The following EVI5L variants were observed in gnomAD, a reference collection of about 807,000 sequenced individuals.
The protein encoded by EVI5L is EVI5-like protein.
EVI5L carries 30 observed loss-of-function variants against 106.1 expected under a neutral mutation model. The observed-to-expected ratio is 0.28, with a 90% CI of 0.21 to 0.38. EVI5L has a LOEUF of 0.38. Ranked by LOEUF, EVI5L falls within the 10% of genes least tolerant of loss-of-function variation. The pLI, the probability that EVI5L is intolerant of heterozygous loss-of-function variation, is 1.00. For synonymous variants in EVI5L, 489 were observed against 483.3 expected (o/e 1.01, Z -0.15); for missense variants, 809 against 1,098.0 (o/e 0.74, Z 3.72).
rs992647263 is a variant in EVI5L, at chr19:7,863,727, CAGG to C, written c.*29_*31del. On this transcript the variant is annotated 3_prime_UTR_variant, in exon 20 of 20. Transcript: ENST00000538904. This position sits in a 1 kb window ranked among gnomAD's most constrained non-coding sequence, Gnocchi z 7.7. ...AGGCCATGCCCAGCGCGCCCGGAGT[CAGG>C]AGGCCGCAGCCGCGGGGGGCGCCCG... 1 of 1,433,740 alleles carries C rather than the reference CAGG, an allele frequency of 7.0e-7. No individual in the cohort carries two copies. The highest frequency in any genetic ancestry group is 2.8e-5 in the Admixed American group (1 of 36,136). The allele number at this position is 1,433,740 out of a possible 1,614,324, so 88.8% of individuals were successfully genotyped here.
In EVI5L at chr19:7,863,096, G is replaced by C. The variant is rs1979928469; in HGVS notation, c.2043+29G>C. ...ATCGGCGGGGCCGGGGTCGGGGGGC[G>C]GGGGCGGGGGCAGGGCCCGGGGCAG... On this transcript the variant is annotated intron_variant, in intron 18 of 19. Transcript: ENST00000538904. This position sits in a 1 kb window ranked among gnomAD's most constrained non-coding sequence, Gnocchi z 7.7. 3 of 734,616 alleles carry C rather than the reference G, an allele frequency of 4.1e-6. No homozygotes were observed. The East Asian group carries it at 8.4e-5, about 21-fold the overall frequency. The allele number at this position is 734,616 out of a possible 1,614,324, so 45.5% of individuals were successfully genotyped here.
rs1319234650 is a variant in EVI5L, at chr19:7,847,849, C to T, written c.255C>T (p.Asp85=). Reference sequence around the variant, plus strand: ...CCAACCTGAGCCACCTGGAGGAGGACACGTGGATCCTGTGGGGCCGGATCG... The same window carrying T: ...CCAACCTGAGCCACCTGGAGGAGGATACGTGGATCCTGTGGGGCCGGATCG... ...ASSNLSHLEE[D]TWILWGRIAN... is the part of the protein sequence containing the mutation. Residue 85 remains aspartate (D), a synonymous_variant, in exon 3 of 20, where the codon GAC becomes GAT. Coordinates refer to ENST00000538904, the MANE Select transcript of EVI5L (RefSeq NM_001159944.3). 2 of 1,607,418 alleles carry T rather than the reference C, an allele frequency of 1.2e-6. No homozygotes were observed. The highest frequency in any genetic ancestry group is 2.7e-5 in the African/African-American group (2 of 74,620).
At position 7,846,517 on chromosome 19, in the gene EVI5L, G is replaced by C; in HGVS notation, c.-26G>C. On this transcript the variant is annotated 5_prime_UTR_variant, in exon 2 of 20. Coordinates refer to ENST00000538904, the MANE Select transcript of EVI5L (RefSeq NM_001159944.3). ...CCAGACAGAGCTGTGAACCAACCCC[G>C]CTCACGGCTAACAAGCCCACCCACC... The C allele has an allele frequency of 6.3e-7, 1 of 1,595,742 alleles. No homozygotes were observed. Among genetic ancestry groups the C allele is most frequent in the Non-Finnish European group, 8.5e-7 (1 of 1,171,662 alleles).
In EVI5L at chr19:7,850,600, TACACACACACGCAGACACAC is replaced by T. The variant is rs1979196781; in HGVS notation, c.753+489_753+508del. 1.3e-5 allele frequency among the ~76,000 whole-genome samples: 2 copies of T among 151,934 alleles called. No homozygotes were observed. Among genetic ancestry groups the T allele is most frequent in the South Asian group, 4.1e-4 (2 of 4,822 alleles). The stretch of plus-strand genomic sequence containing the variant: ...GCGAACATACACACACCCGCATGCA[TACACACACACGCAGACACAC>T]ACACACACACCGGCCCGCCTCAGCT... On this transcript the variant is annotated intron_variant, in intron 6 of 19. Transcript: ENST00000538904. This position sits in a 1 kb window ranked among gnomAD's most constrained non-coding sequence, Gnocchi z 5.4.
intron 14 of EVI5L, 42 bp downstream of exon 14, chr19:7,860,731 G>C: frequency 6.5e-7 from 1 of 1,533,678 alleles, no homozygotes; most frequent in Non-Finnish European, 8.8e-7. Flanking sequence ...GGGGGACCCT[G>C]GGGCACAGGA....
Position 7,863,772 on chromosome 19 carries a change from C to G in EVI5L, c.*70C>G. 1 of 1,416,120 alleles carries G rather than the reference C, an allele frequency of 7.1e-7. No individual in the cohort carries two copies. Among genetic ancestry groups the G allele is most frequent in the Non-Finnish European group, 9.2e-7 (1 of 1,090,816 alleles). 87.7% of individuals were successfully genotyped at this position (1,416,120 alleles called of 1,614,324 possible). A position where few individuals can be genotyped will look rare whatever the true frequency, so the allele number is the denominator to read the frequency against. On this transcript the variant is annotated 3_prime_UTR_variant, in exon 20 of 20. Coordinates refer to ENST00000538904, the MANE Select transcript of EVI5L (RefSeq NM_001159944.3). The surrounding 1 kb of genome is among the most constrained non-coding windows in gnomAD (Gnocchi z 7.7). ...GGGCGCCCGGGCAGTCCGCGTTCTG[C>G]TCCCCACCTGCCGCACTTGACAAAC...
Position 7,856,123 on chromosome 19 carries a change from G to C in EVI5L, c.1200+55G>C. 7.7e-7 allele frequency: 1 copy of C among 1,306,104 alleles called. No individual in the cohort carries two copies. Among genetic ancestry groups the C allele is most frequent in the East Asian group, 2.8e-5 (1 of 35,654 alleles). 80.9% of individuals were successfully genotyped at this position (1,306,104 alleles called of 1,614,324 possible). A position where few individuals can be genotyped will look rare whatever the true frequency, so the allele number is the denominator to read the frequency against. Reference sequence around the variant, plus strand: ...GTCGCCATGGGGTGTGACCCACCATGCGGGGCATGGCCGCTAACCTGGGGT... The same window carrying C: ...GTCGCCATGGGGTGTGACCCACCATCCGGGGCATGGCCGCTAACCTGGGGT... On this transcript the variant is annotated intron_variant, in intron 11 of 19. Coordinates refer to ENST00000538904, the MANE Select transcript of EVI5L (RefSeq NM_001159944.3). This position sits in a 1 kb window ranked among gnomAD's most constrained non-coding sequence, Gnocchi z 6.6.
Position 7,862,503 on chromosome 19 carries a change from G to A in EVI5L, c.1916G>A (p.Ser639Asn). Residue 639 changes from serine (S) to asparagine (N), a missense_variant, in exon 17 of 20, where the codon AGC becomes AAC. Physicochemically the swap from Ser to Asn is conservative, Grantham distance 46. This residue lies in a region of EVI5L where 452 missense variants were observed against 509.9 expected (regional missense o/e 0.89). Coordinates refer to ENST00000538904, the MANE Select transcript of EVI5L (RefSeq NM_001159944.3). ...NKGLQTQLSE[S>N]RRKQAEAECK... is the part of the protein sequence containing the mutation. Reference sequence around the variant, plus strand: ...GGGCTGCAGACGCAGCTCAGCGAAAGCCGCCGCAAGCAGGCCGAGGCCGAG... The same window carrying A: ...GGGCTGCAGACGCAGCTCAGCGAAAACCGCCGCAAGCAGGCCGAGGCCGAG... The A allele has an allele frequency of 1.9e-6, 3 of 1,564,508 alleles. No individual in the cohort carries two copies. Among genetic ancestry groups the A allele is most frequent in the Non-Finnish European group, 2.6e-6 (3 of 1,156,418 alleles).
chr19:7,860,717 G>A lies in EVI5L; in HGVS notation c.1503+28G>A. On this transcript the variant is annotated intron_variant, in intron 14 of 19. Transcript: ENST00000538904. Reference sequence around the variant, plus strand: ...GCAATGGGGAGGCAGACGGGCAGGTGTCGGGGGGACCCTGGGGCACAGGAG... The same window carrying A: ...GCAATGGGGAGGCAGACGGGCAGGTATCGGGGGGACCCTGGGGCACAGGAG... 1.9e-6 allele frequency: 3 copies of A among 1,554,012 alleles called. No homozygotes were observed. The Admixed American group carries it at 5.7e-5, about 30-fold the overall frequency.
rs1405910093 is a variant in EVI5L, at chr19:7,846,679, G to A, written c.137G>A (p.Arg46Gln). The A allele has an allele frequency of 2.5e-6, 4 of 1,612,158 alleles. No individual in the cohort carries two copies. Among genetic ancestry groups the A allele is most frequent in the East Asian group, 2.2e-5 (1 of 44,764 alleles). ...CTGGCCAAGCTCGAAGAGCAGAACC[G>A]GTGAGTTGGGGGCTGGGGGATGGGG... ...ELLAKLEEQN[R>Q]LLEADSKSMR... The change falls in exon 2 of 20, where the codon CGG becomes CAG. Residue 46 changes from arginine to glutamine, a missense_variant and splice_region_variant. Physicochemically the swap from Arg to Gln is conservative, Grantham distance 43. Transcript: ENST00000538904.
intron 8 of EVI5L, among the ~76,000 whole-genome samples, chr19:7,852,540 T>C (rs1979304676): frequency 7.6e-6 from 1 of 132,110 alleles, no homozygotes; most frequent in Admixed American, 8.5e-5. Context: ...CCTGCTTTTC[T>C]TTTTTTCTTT....
intron 8 of EVI5L, among the ~76,000 whole-genome samples, chr19:7,852,220 T>TGGCCAGCCTGCC (rs1240274255): frequency 6.6e-6 from 1 of 152,222 alleles, no homozygotes; most frequent in Non-Finnish European, 1.5e-5. Flanking sequence ...GCCCTGCTGC[T>TGGCCAGCCTGCC]GGCCAGCCTG....
intron 1 of EVI5L, among the ~76,000 whole-genome samples, chr19:7,837,299 C>A (rs554676029): frequency 6.6e-6 from 1 of 152,024 alleles, no homozygotes; most frequent in South Asian, 2.1e-4. Context: ...CCACTGCACT[C>A]CAGCCTGGGC....
chr19:7,851,908 T>C, intron 8 of EVI5L, 138 bp downstream of exon 8: 1 of 738,808 alleles, frequency 1.4e-6, no homozygotes, highest in Non-Finnish European at 2.0e-6. Flanking sequence ...TCTGTTCCCA[T>C]CCACTCTGTT....
chr19:7,854,308 G>T (rs958706232), intron 10 of EVI5L, among the ~76,000 whole-genome samples: 1 of 147,526 alleles, frequency 6.8e-6, no homozygotes, highest in Non-Finnish European at 1.5e-5. Context: ...GAAAAGAAAA[G>T]AAAAAAAACA....
chr19:7,851,782 G>T lies in EVI5L; in HGVS notation c.987+12G>T. ...AGGGGATGTCCCAGGTGGGCCGGGA[G>T]GGCCAGGGCCGGTGGGGCTGCCCCC... is the stretch of plus-strand genomic sequence containing the variant. On this transcript the variant is annotated intron_variant, in intron 8 of 19. Coordinates refer to ENST00000538904, the MANE Select transcript of EVI5L (RefSeq NM_001159944.3). 6.7e-7 allele frequency: 1 copy of T among 1,489,286 alleles called. No homozygotes were observed. Among genetic ancestry groups the T allele is most frequent in the South Asian group, 1.4e-5 (1 of 70,540 alleles). The allele number at this position is 1,489,286 out of a possible 1,614,324, so 92.3% of individuals were successfully genotyped here. A position where few individuals can be genotyped will look rare whatever the true frequency, so the allele number is the denominator to read the frequency against.
At chr19:7,862,326 C>A in intron 16 of EVI5L, 49 bp downstream of exon 16, 1 of 1,582,380 alleles carries the variant, frequency 6.3e-7, no homozygotes, top group South Asian at 1.2e-5. Flanking sequence ...GTGTCCGTGG[C>A]CAGCCCCTGA....
At chr19:7,839,617 C>T (rs1408701495) in intron 1 of EVI5L, among the ~76,000 whole-genome samples, 2 of 152,006 alleles carry the variant, frequency 1.3e-5, no homozygotes, top group African/African-American at 4.8e-5. Context: ...ATGGACGTGG[C>T]AGGCGCCATC....
chr19:7,831,261 A>G (rs919658196), intron 1 of EVI5L, among the ~76,000 whole-genome samples: 1 of 128,356 alleles, frequency 7.8e-6, no homozygotes, highest in Non-Finnish European at 1.7e-5. Context: ...ACACACACAC[A>G]CACACACACA....
Sources: allele counts gnomAD v4.1 joint callset (sites outside exome capture counted in the v4.1 genomes callset), GRCh38; gene constraint gnomAD v4.1.1; regional missense constraint gnomAD v4.1.1; non-coding constraint Gnocchi (gnomAD v3.1); transcripts MANE v1.5; gene names NCBI Gene and HGNC (gene_info 2026-07-23, HGNC 2026-07-21).